The following POP7 variants were observed in gnomAD, a reference collection of about 807,000 sequenced individuals.
POP7 encodes the protein ribonuclease P protein subunit p20.
In POP7, 5 loss-of-function variants were observed where a neutral mutation model predicts 7.5. The ratio of observed to expected loss-of-function variants is 0.66; its 90% CI spans 0.35 to 1.40. POP7 has a LOEUF of 1.40. POP7 is among the 40% of genes most tolerant of loss of function. The pLI, the probability that POP7 is intolerant of heterozygous loss-of-function variation, is 0.04. For synonymous variants in POP7, 85 were observed against 81.6 expected, an observed-to-expected ratio of 1.04 and a Z score of -0.23; for missense variants, 170 against 189.1, an observed-to-expected ratio of 0.90 and a Z score of 0.59.
chr7:100,707,456 C>T lies in POP7; in HGVS notation c.*203C>T. 3.3e-6 allele frequency: 2 copies of T among 599,970 alleles called. No individual in the cohort carries two copies. The highest frequency in any genetic ancestry group is 5.9e-6 in the Non-Finnish European group (2 of 338,278). The allele number at this position is 599,970 out of a possible 1,614,324, so 37.2% of individuals were successfully genotyped here. A position where few individuals can be genotyped will look rare whatever the true frequency, so the allele number is the denominator to read the frequency against. ...GTGTGTATGCGGTCTGTAACTATTG[C>T]CATATAAATAAAAAATCCTGTTGCA... On this transcript the variant is annotated 3_prime_UTR_variant, in exon 2 of 2. Coordinates refer to ENST00000303151, the MANE Select transcript of POP7 (RefSeq NM_005837.3).
At position 100,707,270 on chromosome 7, in the gene POP7, C is replaced by T; in HGVS notation, c.*17C>T. The T allele has an allele frequency of 6.2e-7, 1 of 1,605,964 alleles. No individual in the cohort carries two copies. Among genetic ancestry groups the T allele is most frequent in the Non-Finnish European group, 8.5e-7 (1 of 1,174,232 alleles). On this transcript the variant is annotated 3_prime_UTR_variant, in exon 2 of 2. Transcript: ENST00000303151. ...CCCAAGTAATTGAAAAGACACTCCT[C>T]CACTTATCCCCTCCGTGATATGGCT...
intron 1 of POP7, 44 bp from the exon 2 acceptor site, chr7:100,706,777 G>C (rs971042516): frequency 6.4e-7 from 1 of 1,571,396 alleles, no homozygotes. Context: ...GAAAGGCTTC[G>C]AGGTCCCTCT....
At chr7:100,706,469 A>ATTTTTG (rs566743436) in intron 1 of POP7, 165 bp downstream of exon 1, 9 of 213,582 alleles carry the variant, frequency 4.2e-5, no homozygotes, top group African/African-American at 1.2e-4. Flanking sequence ...TGCACCCTTT[A>ATTTTTG]TTTTTGTTTT....
rs1309956103 is a variant in POP7 at position 100,707,345 on chromosome 7, C to T, written c.*92C>T. On this transcript the variant is annotated 3_prime_UTR_variant, in exon 2 of 2. Transcript: ENST00000303151. ...CGGACCAGAGCCATGTAAGAAAAGG[C>T]CTGTTCCCTGGAAGCCCAAAGGACT... 1 of 1,408,838 alleles carries T rather than the reference C, an allele frequency of 7.1e-7. No individual in the cohort carries two copies. The allele number at this position is 1,408,838 out of a possible 1,614,324, so 87.3% of individuals were successfully genotyped here. A position where few individuals can be genotyped will look rare whatever the true frequency, so the allele number is the denominator to read the frequency against.
Position 100,707,290 on chromosome 7 carries a change from A to G in POP7, c.*37A>G, listed in dbSNP as rs1806538645. ...CTCCTCCACTTATCCCCTCCGTGAT[A>G]TGGCTCTTCGCATGCTGAGTACTGG... is the stretch of plus-strand genomic sequence containing the variant. On this transcript the variant is annotated 3_prime_UTR_variant, in exon 2 of 2. Coordinates refer to ENST00000303151, the MANE Select transcript of POP7 (RefSeq NM_005837.3). The G allele has an allele frequency of 6.3e-7, 1 of 1,587,422 alleles. No homozygotes were observed. The highest frequency in any genetic ancestry group is 1.1e-5 in the South Asian group (1 of 88,136).
chr7:100,707,481 A>G lies in POP7; in HGVS notation c.*228A>G, dbSNP rs867891058. The G allele has an allele frequency of 1.8e-6, 1 of 563,902 alleles. No individual in the cohort carries two copies. Among genetic ancestry groups the G allele is most frequent in the Middle Eastern group, 4.7e-4 (1 of 2,114 alleles). 34.9% of individuals were successfully genotyped at this position (563,902 alleles called of 1,614,324 possible). On this transcript the variant is annotated 3_prime_UTR_variant, in exon 2 of 2. Coordinates refer to ENST00000303151, the MANE Select transcript of POP7 (RefSeq NM_005837.3). The stretch of plus-strand genomic sequence containing the variant: ...CCATATAAATAAAAAATCCTGTTGC[A>G]CTAGTGTCCTGCCATCCCACTGCCA...
At chr7:100,706,582 T>G (rs955869373) in intron 1 of POP7, among the ~76,000 whole-genome samples, 1 of 151,766 alleles carries the variant, frequency 6.6e-6, no homozygotes, top group African/African-American at 2.4e-5. Flanking sequence ...TCTCAAGCGA[T>G]CCTCCCCCCT....
Position 100,707,058 on chromosome 7 carries a change from GGCCATCAACCGC to G in POP7, c.238_249del (p.Arg80_Asn83del), listed in dbSNP as rs781614944. 2 of 1,614,074 alleles carry G rather than the reference GGCCATCAACCGC, an allele frequency of 1.2e-6. No individual in the cohort carries two copies. The highest frequency in any genetic ancestry group is 2.2e-5 in the South Asian group (2 of 91,086). Reference sequence around the variant, plus strand: ...AGATCTACATTCACGGCTTGGGCCTGGCCATCAACCGCGCCATCAACATCGCGCTGCAGCTGC... The same window carrying G: ...AGATCTACATTCACGGCTTGGGCCTGGCCATCAACATCGCGCTGCAGCTGC... On this transcript the variant is annotated inframe_deletion, in exon 2 of 2. Transcript: ENST00000303151.
intron 1 of POP7, 70 bp from the exon 2 acceptor site, chr7:100,706,751 A>G: frequency 1.4e-6 from 2 of 1,475,672 alleles, no homozygotes; most frequent in Non-Finnish European, 1.8e-6. Context: ...CACCCTTTGT[A>G]CAGGAAAAGG....
In POP7 at chr7:100,707,374, C is replaced by A; in HGVS notation, c.*121C>A. The A allele has an allele frequency of 8.4e-7, 1 of 1,189,350 alleles. No homozygotes were observed. The highest frequency in any genetic ancestry group is 2.7e-5 in the Admixed American group (1 of 36,972). 73.7% of individuals were successfully genotyped at this position (1,189,350 alleles called of 1,614,324 possible). Reference sequence around the variant, plus strand: ...TTCCCTGGAAGCCCAAAGGACTCTGCATTGAGGGTGGGGGTAATTGTCTCT... The same window carrying A: ...TTCCCTGGAAGCCCAAAGGACTCTGAATTGAGGGTGGGGGTAATTGTCTCT... On this transcript the variant is annotated 3_prime_UTR_variant, in exon 2 of 2. Coordinates refer to ENST00000303151, the MANE Select transcript of POP7 (RefSeq NM_005837.3).
intron 1 of POP7, among the ~76,000 whole-genome samples, 153 bp from the exon 2 acceptor site, chr7:100,706,668 G>A (rs1202475501): frequency 2.0e-5 from 3 of 152,030 alleles, no homozygotes; most frequent in African/African-American, 4.8e-5. Context: ...AAACACCCGG[G>A]CTCCAGTGAT....
rs1806535839 is a variant in POP7 at position 100,707,186 on chromosome 7, A to G, written c.356A>G (p.Glu119Gly). 6.2e-7 allele frequency: 1 copy of G among 1,614,092 alleles called. No individual in the cohort carries two copies. Among genetic ancestry groups the G allele is most frequent in the African/African-American group, 1.3e-5 (1 of 74,940 alleles). ...CTGGAGCCAGAGACCGACACACGGG[A>G]GCCACTGACTCGGATCCGCAACAAC... ...DELEPETDTR[E>G]PLTRIRNNSA... The change falls in exon 2 of 2, where the codon GAG becomes GGG. Residue 119 changes from glutamate (E) to glycine (G), a missense_variant. Physicochemically the swap from Glu to Gly is moderately conservative, Grantham distance 98. Coordinates refer to ENST00000303151, the MANE Select transcript of POP7 (RefSeq NM_005837.3).
rs772692519 is a variant in POP7, at chr7:100,706,982, G to A, written c.152G>A (p.Arg51His). Reference sequence around the variant, plus strand: ...ACGGACTTTAAGGCCCAGCTGGCCCGCTGCCAGAAGCTGCTGGACGGAGGG... The same window carrying A: ...ACGGACTTTAAGGCCCAGCTGGCCCACTGCCAGAAGCTGCTGGACGGAGGG... ...MKTDFKAQLA[R>H]CQKLLDGGAR... The change falls in exon 2 of 2, where the codon CGC (arginine) becomes CAC (histidine). Residue 51 changes from arginine (R) to histidine (H), a missense_variant. By Grantham distance (29) the Arg-to-His change is conservative. Coordinates refer to ENST00000303151, the MANE Select transcript of POP7 (RefSeq NM_005837.3). The A allele has an allele frequency of 7.4e-6, 12 of 1,614,086 alleles. No homozygotes were observed. The highest frequency in any genetic ancestry group is 9.3e-6 in the Non-Finnish European group (11 of 1,180,044).
At position 100,707,232 on chromosome 7, in the gene POP7, C is replaced by T; in HGVS notation, c.402C>T (p.Val134=). Residue 134 remains valine, a synonymous_variant, in exon 2 of 2, where the codon GTC becomes GTT. Coordinates refer to ENST00000303151, the MANE Select transcript of POP7 (RefSeq NM_005837.3). ...ACAACTCAGCCATCCACATCCGAGT[C>T]TTCAGGGTCACACCCAAGTAATTGA... ...IRNNSAIHIR[V]FRVTPK 1.2e-6 allele frequency: 2 copies of T among 1,613,788 alleles called. No homozygotes were observed. The highest frequency in any genetic ancestry group is 1.7e-6 in the Non-Finnish European group (2 of 1,179,658).
chr7:100,707,384 G>A lies in POP7; in HGVS notation c.*131G>A, dbSNP rs1806539841. ...GCCCAAAGGACTCTGCATTGAGGGTGGGGGTAATTGTCTCTTGGTGGGCCC... is the reference window on the plus strand; with the variant it reads ...GCCCAAAGGACTCTGCATTGAGGGTAGGGGTAATTGTCTCTTGGTGGGCCC... On this transcript the variant is annotated 3_prime_UTR_variant, in exon 2 of 2. Transcript: ENST00000303151. 4.5e-6 allele frequency: 5 copies of A among 1,106,680 alleles called. No homozygotes were observed. Among genetic ancestry groups the A allele is most frequent in the Non-Finnish European group, 6.4e-6 (5 of 782,828 alleles). The allele number at this position is 1,106,680 out of a possible 1,614,324, so 68.6% of individuals were successfully genotyped here. A position where few individuals can be genotyped will look rare whatever the true frequency, so the allele number is the denominator to read the frequency against.
rs1372258561 is a variant in POP7, at chr7:100,707,197, C to T, written c.367C>T (p.Arg123Trp). 10 of 1,614,172 alleles carry T rather than the reference C, an allele frequency of 6.2e-6. No individual in the cohort carries two copies. In the East Asian group the frequency reaches 1.3e-4, roughly 22 times the overall value. ...PETDTREPLT[R>W]IRNNSAIHIR... ...GACCGACACACGGGAGCCACTGACT[C>T]GGATCCGCAACAACTCAGCCATCCA... The change falls in exon 2 of 2, where the codon CGG (arginine) becomes TGG (tryptophan). Residue 123 changes from arginine (R) to tryptophan (W), a missense_variant. Coordinates refer to ENST00000303151, the MANE Select transcript of POP7 (RefSeq NM_005837.3).
In POP7 at chr7:100,707,091, G is replaced by A. The variant is rs1464417787; in HGVS notation, c.261G>A (p.Gln87=). The A allele has an allele frequency of 6.2e-6, 10 of 1,613,976 alleles. No individual in the cohort carries two copies. The highest frequency in any genetic ancestry group is 7.6e-6 in the Non-Finnish European group (9 of 1,180,052). ...AINRAINIAL[Q]LQAGSFGSLQ... Reference sequence around the variant, plus strand: ...ACCGCGCCATCAACATCGCGCTGCAGCTGCAGGCGGGCAGCTTCGGGTCCT... The same window carrying A: ...ACCGCGCCATCAACATCGCGCTGCAACTGCAGGCGGGCAGCTTCGGGTCCT... The change falls in exon 2 of 2, where the codon CAG becomes CAA. Residue 87 remains glutamine, a synonymous_variant. Transcript: ENST00000303151.
chr7:100,706,767 G>T lies in POP7; in HGVS notation c.-10-54G>T, dbSNP rs1231596051. On this transcript the variant is annotated intron_variant, in intron 1 of 1. Transcript: ENST00000303151. ...ACCCTTTGTACAGGAAAAGGGGTAGGAAAGGCTTCGAGGTCCCTCTGAGCC... is the reference window on the plus strand; with the variant it reads ...ACCCTTTGTACAGGAAAAGGGGTAGTAAAGGCTTCGAGGTCCCTCTGAGCC... 3 of 1,550,124 alleles carry T rather than the reference G, an allele frequency of 1.9e-6. No individual in the cohort carries two copies. The East Asian group carries it at 6.8e-5, about 35-fold the overall frequency.
At position 100,707,281 on chromosome 7, in the gene POP7, C is replaced by A; in HGVS notation, c.*28C>A. ...GAAAAGACACTCCTCCACTTATCCC[C>A]TCCGTGATATGGCTCTTCGCATGCT... On this transcript the variant is annotated 3_prime_UTR_variant, in exon 2 of 2. Coordinates refer to ENST00000303151, the MANE Select transcript of POP7 (RefSeq NM_005837.3). 1 of 1,598,892 alleles carries A rather than the reference C, an allele frequency of 6.3e-7. No individual in the cohort carries two copies.
Sources: gnomAD v4.1 joint callset for allele counts (sites outside exome capture counted in the v4.1 genomes callset) on GRCh38, gnomAD v4.1.1 for gene constraint, MANE v1.5 for transcripts, NCBI Gene and HGNC (gene_info 2026-07-23, HGNC 2026-07-21) for gene names.